The following PBX1 variants were observed in gnomAD, a reference collection of about 807,000 sequenced individuals.
The protein encoded by PBX1 is pre-B-cell leukemia transcription factor 1.
A neutral mutation model predicts 53.4 loss-of-function variants in PBX1; 6 were observed. The observed-to-expected ratio is 0.11, with a 90% CI of 0.06 to 0.22. The LOEUF (loss-of-function observed/expected upper bound fraction) is 0.22, where lower values mean the gene tolerates loss of function less well. PBX1 is among the 10% of genes least tolerant of loss of function. PBX1 has a pLI of 1.00. For synonymous variants in PBX1, 204 were observed against 212.3 expected (o/e 0.96, Z 0.34); for missense variants, 251 against 551.4 (o/e 0.46, Z 5.46).
intron 8 of PBX1, among the ~76,000 whole-genome samples, chr1:164,845,079 T>C (rs1671501995): frequency 6.6e-6 from 1 of 152,126 alleles, no homozygotes; most frequent in Admixed American, 6.5e-5. Flanking sequence ...TGCTTTTCAG[T>C]GAGGTGTGAA....
intron 2 of PBX1, among the ~76,000 whole-genome samples, chr1:164,858,100 A>C (rs771088341): frequency 6.6e-6 from 1 of 151,762 alleles, no homozygotes; most frequent in Non-Finnish European, 1.5e-5. Flanking sequence ...CTAAGATCTT[A>C]CTCTTCCTGA....
chr1:164,865,653 T>A (rs1170518202), intron 2 of PBX1, among the ~76,000 whole-genome samples: 1 of 152,206 alleles, frequency 6.6e-6, no homozygotes, highest in African/African-American at 2.4e-5. Flanking sequence ...TTCCAAAAGG[T>A]ACAAAGATAC....
chr1:164,790,874 T>G (rs1668468502), intron 2 of PBX1, among the ~76,000 whole-genome samples: 1 of 152,140 alleles, frequency 6.6e-6, no homozygotes, highest in African/African-American at 2.4e-5. Context: ...CCTTCCCTGT[T>G]ACAACCCGAA....
At chr1:164,604,593 A>C (rs1194588436) in intron 2 of PBX1, among the ~76,000 whole-genome samples, 1 of 152,216 alleles carries the variant, frequency 6.6e-6, no homozygotes, top group African/African-American at 2.4e-5. Flanking sequence ...TTCTGTCCTG[A>C]GAGCCGTTGC....
At chr1:164,803,007 T>A (rs1669159690) in intron 4 of PBX1, among the ~76,000 whole-genome samples, 1 of 152,190 alleles carries the variant, frequency 6.6e-6, no homozygotes, top group South Asian at 2.1e-4. Flanking sequence ...AGTACGTCTG[T>A]ATACTTCACT....
chr1:164,644,808 G>A (rs1017805365), intron 2 of PBX1, among the ~76,000 whole-genome samples: 5 of 152,164 alleles, frequency 3.3e-5, no homozygotes, highest in African/African-American at 1.2e-4. Context: ...AGGATGTTGT[G>A]TGGGTCAGTG....
chr1:164,794,720 C>T (rs1314722182), intron 3 of PBX1, among the ~76,000 whole-genome samples: 4 of 152,206 alleles, frequency 2.6e-5, no homozygotes, highest in Non-Finnish European at 5.9e-5. Flanking sequence ...AGACCTCTCG[C>T]TGACCTCTTG....
intron 2 of PBX1, among the ~76,000 whole-genome samples, chr1:164,714,141 A>C (rs1036461109): frequency 6.6e-6 from 1 of 152,224 alleles, no homozygotes; most frequent in Admixed American, 6.5e-5. Flanking sequence ...GGAAGTAAGC[A>C]CTGATAAGCC....
chr1:164,846,628 C>A lies in PBX1; in HGVS notation c.1245C>A (p.Thr415=), dbSNP rs761357785. The change falls in exon 9 of 9, where the codon ACC becomes ACA. Residue 415 remains threonine (T), a synonymous_variant. Transcript: ENST00000420696. ...ATGCTACTACCCCTTCATCAGTGAC[C>A]TCCCCTACAGAAGGCCCTGGCAGTG... ...WQDATTPSSV[T]SPTEGPGSVH... The A allele has an allele frequency of 6.8e-6, 11 of 1,614,000 alleles. No homozygotes were observed. Among genetic ancestry groups the A allele is most frequent in the Non-Finnish European group, 5.1e-6 (6 of 1,179,994 alleles).
At chr1:164,579,814 G>C (rs1294444744) in intron 2 of PBX1, among the ~76,000 whole-genome samples, 1 of 152,126 alleles carries the variant, frequency 6.6e-6, no homozygotes, top group Non-Finnish European at 1.5e-5. Flanking sequence ...CAGGAGCCCA[G>C]AATTCTCCTG....
chr1:164,567,310 T>C (rs1478997262), intron 2 of PBX1, among the ~76,000 whole-genome samples: 2 of 152,180 alleles, frequency 1.3e-5, no homozygotes, highest in East Asian at 1.9e-4. Context: ...TTAAACCATT[T>C]AGAAGCAGCC....
chr1:164,880,230 C>T (rs1672615169), intron 2 of PBX1, among the ~76,000 whole-genome samples: 1 of 152,108 alleles, frequency 6.6e-6, no homozygotes, highest in African/African-American at 2.4e-5. Flanking sequence ...GTGTGGAGAC[C>T]TCATATTTGA....
intron 2 of PBX1, among the ~76,000 whole-genome samples, chr1:164,715,089 A>G (rs1028793334): frequency 2.6e-5 from 4 of 151,786 alleles, no homozygotes; most frequent in Non-Finnish European, 4.4e-5. Context: ...CACCTAACTC[A>G]TAAAGTGCTC....
chr1:164,565,183 C>T (rs1252904402), intron 2 of PBX1, among the ~76,000 whole-genome samples: 1 of 152,000 alleles, frequency 6.6e-6, no homozygotes, highest in Admixed American at 6.6e-5. Flanking sequence ...AAAGAGTTCG[C>T]TCCTTGTTCA....
intron 8 of PBX1, among the ~76,000 whole-genome samples, chr1:164,844,010 G>T (rs1671431335): frequency 6.6e-6 from 1 of 151,888 alleles, no homozygotes. Flanking sequence ...ATTGTTCCAT[G>T]ACCTATGACA....
intron 2 of PBX1, among the ~76,000 whole-genome samples, chr1:164,678,541 C>G (rs1048431269): frequency 6.6e-6 from 1 of 152,168 alleles, no homozygotes; most frequent in Non-Finnish European, 1.5e-5. Flanking sequence ...AGCTGGTAAC[C>G]AAGGCCTGAG....
At chr1:164,841,026 C>T (rs1297915059) in intron 8 of PBX1, among the ~76,000 whole-genome samples, 10 of 152,170 alleles carry the variant, frequency 6.6e-5, no homozygotes, top group African/African-American at 2.4e-4. Flanking sequence ...CTGTGGTGGG[C>T]ACTTTGGAAT....
chr1:164,563,458 C>T, intron 2 of PBX1, 147 bp downstream of exon 2: 3 of 470,320 alleles, frequency 6.4e-6, no homozygotes, highest in South Asian at 3.7e-5. Flanking sequence ...AAGTCCTAGC[C>T]CTGCTTTCCT....
intron 2 of PBX1, among the ~76,000 whole-genome samples, chr1:164,733,380 A>C (rs575222120): frequency 9.9e-5 from 15 of 152,232 alleles, no homozygotes; most frequent in Admixed American, 7.8e-4. Context: ...GGTCCTGTGC[A>C]TCTCTGTGAA....
Sources: gnomAD v4.1 joint callset for allele counts (sites outside exome capture counted in the v4.1 genomes callset) on GRCh38, gnomAD v4.1.1 for gene constraint, MANE v1.5 for transcripts, NCBI Gene and HGNC (gene_info 2026-07-23, HGNC 2026-07-21) for gene names.